TLCD4: variants seen among roughly 807,000 people sequenced by gnomAD.
TLCD4 encodes the protein TLC domain containing 4, also known as TLC domain-containing protein 4.
In TLCD4, 7 loss-of-function variants were observed where a neutral mutation model predicts 24.2. That is an observed-to-expected ratio of 0.29 (90% CI 0.16 to 0.54). TLCD4 has a LOEUF of 0.54. TLCD4 is among the 20% of genes least tolerant of loss of function. The pLI is 0.95. For missense variants in TLCD4, 259 were observed against 313.9 expected (o/e 0.82, Z 1.32); for synonymous variants, 103 against 106.4 (o/e 0.97, Z 0.20).
chr1:95,150,778 C>T (rs1677473086), intron 4 of TLCD4, among the ~76,000 whole-genome samples: 1 of 151,460 alleles, frequency 6.6e-6, no homozygotes, highest in African/African-American at 2.4e-5. Flanking sequence ...ATTTTTTGTA[C>T]GATTTGTTTT....
upstream of TLCD4, among the ~76,000 whole-genome samples, chr1:95,115,095 T>TATATATATATATATATATACAC (rs1676405245): frequency 6.8e-6 from 1 of 147,476 alleles, no homozygotes; most frequent in African/African-American, 2.5e-5. Context: ...ACATTATATA[T>TATATATATATATATATATACAC]ATATATATAT....
chr1:95,176,303 T>C (rs1207941812), intron 6 of TLCD4, among the ~76,000 whole-genome samples: 1 of 152,026 alleles, frequency 6.6e-6, no homozygotes, highest in African/African-American at 2.4e-5. Flanking sequence ...GTGATTCTTG[T>C]GCCTCAGTCT....
At chr1:95,162,948 T>G (rs1217394210) in intron 5 of TLCD4, among the ~76,000 whole-genome samples, 2 of 152,224 alleles carry the variant, frequency 1.3e-5, no homozygotes, top group African/African-American at 4.8e-5. Context: ...TTTCCTTCAT[T>G]TCAGCTTTGG....
intron 6 of TLCD4, among the ~76,000 whole-genome samples, chr1:95,184,010 A>G (rs1012787325): frequency 6.6e-6 from 1 of 152,174 alleles, no homozygotes; most frequent in Non-Finnish European, 1.5e-5. Context: ...CTAACCTTCC[A>G]GGGTTAATGT....
chr1:95,138,268 A>G (rs1215233163), intron 1 of TLCD4: 1 of 152,072 alleles, frequency 6.6e-6, no homozygotes, highest in African/African-American at 2.4e-5. Context: ...CCTATTTTGT[A>G]TTCCAGCACA....
intron 5 of TLCD4, among the ~76,000 whole-genome samples, chr1:95,167,843 GTTTC>G (rs1391038335): frequency 6.6e-6 from 1 of 152,128 alleles, no homozygotes; most frequent in Non-Finnish European, 1.5e-5. Flanking sequence ...CTCACCACCT[GTTTC>G]TTTGTTTGAT....
intron 6 of TLCD4, among the ~76,000 whole-genome samples, chr1:95,182,643 A>G (rs1042674543): frequency 5.3e-5 from 8 of 152,310 alleles, no homozygotes; most frequent in Admixed American, 3.9e-4. Flanking sequence ...CACTATCAGT[A>G]TAGAAGTCAG....
At chr1:95,173,634 C>T (rs1430209827) in intron 5 of TLCD4, among the ~76,000 whole-genome samples, 182 bp from the exon 6 acceptor site, 1 of 152,156 alleles carries the variant, frequency 6.6e-6, no homozygotes, top group Non-Finnish European at 1.5e-5. Flanking sequence ...CTGTAGAATT[C>T]CAAGGATCTT....
At chr1:95,103,774 A>G in the TLCD4 span, among the ~76,000 whole-genome samples, 1 of 152,210 alleles carries the variant, frequency 6.6e-6, no homozygotes, top group East Asian at 1.9e-4. Context: ...GTCTTGTACG[A>G]CTAGCAATCA....
chr1:95,094,302 AT>A, the TLCD4 span, among the ~76,000 whole-genome samples: 56,445 of 144,834 alleles, frequency 0.39, 10,936 homozygotes, highest in East Asian at 0.7. Context: ...GGCTAATTGC[AT>A]TTTTTTTTTT....
At chr1:95,176,916 C>T (rs1408571130) in intron 6 of TLCD4, among the ~76,000 whole-genome samples, 2 of 151,322 alleles carry the variant, frequency 1.3e-5, no homozygotes, top group Non-Finnish European at 3.0e-5. Flanking sequence ...ATTGTGTAGT[C>T]TTGGTACCCT....
chr1:95,094,140 CT>C, the TLCD4 span, among the ~76,000 whole-genome samples: 15 of 152,222 alleles, frequency 9.9e-5, no homozygotes, highest in South Asian at 2.3e-3. Context: ...AAGCACCTCC[CT>C]TTTTTCTGAT....
At chr1:95,155,633 A>G (rs1490945671) in intron 5 of TLCD4, among the ~76,000 whole-genome samples, 1 of 152,026 alleles carries the variant, frequency 6.6e-6, no homozygotes, top group Non-Finnish European at 1.5e-5. Flanking sequence ...ATGTGATGCT[A>G]TCTGTCATTG....
chr1:95,109,946 T>C, the TLCD4 span, among the ~76,000 whole-genome samples: 244 of 122,872 alleles, frequency 2.0e-3, 5 homozygotes, highest in Non-Finnish European at 3.3e-3. Flanking sequence ...TATATATATA[T>C]ATATATATAT....
the TLCD4 span, among the ~76,000 whole-genome samples, chr1:95,111,323 A>AAAAAAAAG: frequency 1.6e-5 from 2 of 128,224 alleles, no homozygotes; most frequent in African/African-American, 2.8e-5. Context: ...CAAAACAAAA[A>AAAAAAAAG]AAAAGAAAAG....
In TLCD4 at chr1:95,195,683, C is replaced by T. The variant is rs1447461493; in HGVS notation, c.*3815C>T. Reference sequence around the variant, plus strand: ...ACATATATCTTCCCAACCTTAAACACAGCTCATTGAAATACATTAAAGCTA... The same window carrying T: ...ACATATATCTTCCCAACCTTAAACATAGCTCATTGAAATACATTAAAGCTA... On this transcript the variant is annotated 3_prime_UTR_variant, in exon 7 of 7. Coordinates refer to ENST00000370203, the MANE Select transcript of TLCD4 (RefSeq NM_152487.3). The T allele has an allele frequency of 1.3e-5, 2 of 152,186 alleles. No homozygotes were observed. The highest frequency in any genetic ancestry group is 2.9e-5 in the Non-Finnish European group (2 of 68,032). The allele number at this position is 152,186 out of a possible 1,614,324, so 9.4% of individuals were successfully genotyped here. A position where few individuals can be genotyped will look rare whatever the true frequency, so the allele number is the denominator to read the frequency against.
intron 5 of TLCD4, among the ~76,000 whole-genome samples, chr1:95,160,981 C>G (rs1411646767): frequency 1.3e-5 from 2 of 152,150 alleles, no homozygotes; most frequent in East Asian, 3.9e-4. Context: ...TGTTGTGTCT[C>G]TGCCAGGCTT....
chr1:95,135,355 A>G (rs1414441809), intron 1 of TLCD4, among the ~76,000 whole-genome samples: 1 of 150,742 alleles, frequency 6.6e-6, no homozygotes, highest in Non-Finnish European at 1.5e-5. Context: ...TGTCATTTTG[A>G]GTAATGCAGA....
the TLCD4 span, among the ~76,000 whole-genome samples, chr1:95,095,095 C>T: frequency 6.6e-6 from 1 of 152,132 alleles, no homozygotes. Flanking sequence ...GGTTAAATGA[C>T]ATAACAAATG....
Sources: allele counts gnomAD v4.1 joint callset (sites outside exome capture counted in the v4.1 genomes callset), GRCh38; gene constraint gnomAD v4.1.1; transcripts MANE v1.5; gene names NCBI Gene and HGNC (gene_info 2026-07-23, HGNC 2026-07-21).